The following NRXN1 variants were observed in gnomAD, a reference collection of about 807,000 sequenced individuals.
NRXN1 encodes the protein neurexin 1, also known as neurexin-1.
In NRXN1, 39 loss-of-function variants were observed where a neutral mutation model predicts 150.9. The ratio of observed to expected loss-of-function variants is 0.26; its 90% CI spans 0.20 to 0.34. The LOEUF is 0.34. Among genes scored for constraint, NRXN1 ranks in the 10% least tolerant of loss-of-function variants. NRXN1 has a pLI of 1.00. For missense variants in NRXN1, 1,815 were observed against 1,949.9 expected (o/e 0.93, Z 1.30); for synonymous variants, 924 against 757.0 (o/e 1.22, Z -3.62).
At chr2:50,620,753 T>C (rs1679866801) in intron 7 of NRXN1, among the ~76,000 whole-genome samples, 1 of 151,954 alleles carries the variant, frequency 6.6e-6, no homozygotes, top group East Asian at 1.9e-4. Context: ...GGAGGTACAG[T>C]ACAGTTCAGA....
intron 18 of NRXN1, among the ~76,000 whole-genome samples, chr2:50,137,183 C>T (rs781752832): frequency 5.8e-4 from 89 of 152,194 alleles, no homozygotes; most frequent in Admixed American, 1.2e-3. Flanking sequence ...ACATCACAAT[C>T]TACCCCATAA....
intron 15 of NRXN1, among the ~76,000 whole-genome samples, chr2:50,492,105 C>G (rs1050542281): frequency 1.3e-5 from 2 of 152,120 alleles, no homozygotes; most frequent in Non-Finnish European, 2.9e-5. Flanking sequence ...AGGAATCGCA[C>G]CAACCATTTA....
rs539356280 is a variant in NRXN1, at chr2:49,925,509, C to T, written c.4217-3258G>A. Among the ~76,000 whole-genome samples, 19 of 151,942 alleles carry T rather than the reference C, an allele frequency of 1.3e-4. No homozygotes were observed. The East Asian group carries it at 3.7e-3, about 29-fold the overall frequency. On this transcript the variant is annotated intron_variant, in intron 22 of 22. Transcript: ENST00000401669. ...ATCAATGACTAATATGGTTAAATGT[C>T]TTTTTATATAATTTGTTCAAAATTT...
chr2:50,866,259 T>C (rs1440535414), intron 5 of NRXN1, among the ~76,000 whole-genome samples: 1 of 151,974 alleles, frequency 6.6e-6, no homozygotes, highest in African/African-American at 2.4e-5. Context: ...TTTATATCTA[T>C]ATTAGAGTTT....
chr2:50,179,287 C>T (rs897210867), intron 18 of NRXN1, among the ~76,000 whole-genome samples: 9 of 152,064 alleles, frequency 5.9e-5, no homozygotes, highest in African/African-American at 9.7e-5. Context: ...AGCATATTAG[C>T]CACAGAGAAA....
chr2:50,441,724 C>G (rs2085969266), intron 17 of NRXN1, among the ~76,000 whole-genome samples: 1 of 151,842 alleles, frequency 6.6e-6, no homozygotes, highest in African/African-American at 2.4e-5. Flanking sequence ...AAGATGCTGC[C>G]ATATAGACAT....
At chr2:50,444,660 C>CA (rs1043924800) in intron 17 of NRXN1, among the ~76,000 whole-genome samples, 5 of 152,106 alleles carry the variant, frequency 3.3e-5, no homozygotes, top group South Asian at 2.1e-4. Context: ...AGATAAATAA[C>CA]ATTTTAAATC....
intron 18 of NRXN1, among the ~76,000 whole-genome samples, chr2:50,099,926 T>A (rs1486585943): frequency 6.6e-6 from 1 of 152,026 alleles, no homozygotes; most frequent in African/African-American, 2.4e-5. Flanking sequence ...TTAGACAACA[T>A]CCATGTCCCC....
At chr2:50,167,743 TA>T (rs1268673171) in intron 18 of NRXN1, among the ~76,000 whole-genome samples, 1 of 152,212 alleles carries the variant, frequency 6.6e-6, no homozygotes, top group Non-Finnish European at 1.5e-5. Context: ...TTTTGATGCC[TA>T]GTTTCTATGC....
Position 50,425,294 on chromosome 2 carries a change from T to C in NRXN1, c.3364+40148A>G, listed in dbSNP as rs75764778. Among the ~76,000 whole-genome samples the C allele has an allele frequency of 7.9e-3, 1,209 of 152,312 alleles. 16 individuals are homozygous for C. Among genetic ancestry groups the C allele is most frequent in the African/African-American group, 0.028 (1,145 of 41,576 alleles). On this transcript the variant is annotated intron_variant, in intron 17 of 22. Coordinates refer to ENST00000401669, the MANE Select transcript of NRXN1 (RefSeq NM_001330078.2). ...CTCTGTTTTGTTGCCTTTCAATCAA[T>C]GTCTTCCCTGGAAGTACAAGCCTTT...
At chr2:50,028,234 G>A (rs1223214411) in intron 21 of NRXN1, among the ~76,000 whole-genome samples, 1 of 152,054 alleles carries the variant, frequency 6.6e-6, no homozygotes, top group Non-Finnish European at 1.5e-5. Flanking sequence ...TCTTTTTGTG[G>A]ATATACTGAG....
chr2:50,857,081 A>G (rs1675379811), intron 5 of NRXN1, among the ~76,000 whole-genome samples: 1 of 152,096 alleles, frequency 6.6e-6, no homozygotes, highest in African/African-American at 2.4e-5. Flanking sequence ...CGTTTTACAG[A>G]AGAGCTTGCA....
intron 12 of NRXN1, among the ~76,000 whole-genome samples, chr2:50,514,299 C>T (rs1377984556): frequency 2.6e-5 from 4 of 152,098 alleles, no homozygotes; most frequent in African/African-American, 9.7e-5. Flanking sequence ...TTTAGACCTA[C>T]AGCACCTGGT....
intron 5 of NRXN1, among the ~76,000 whole-genome samples, chr2:50,838,561 C>CA (rs1233353032): frequency 6.6e-6 from 1 of 151,944 alleles, no homozygotes; most frequent in Non-Finnish European, 1.5e-5. Context: ...AAAATGAGGT[C>CA]ATTTGTGTGG....
intron 17 of NRXN1, among the ~76,000 whole-genome samples, chr2:50,451,658 C>T (rs1197098569): frequency 6.6e-6 from 1 of 152,152 alleles, no homozygotes; most frequent in Non-Finnish European, 1.5e-5. Flanking sequence ...GCAGATAACT[C>T]TTCTCAACTT....
intron 5 of NRXN1, among the ~76,000 whole-genome samples, chr2:50,658,789 C>A (rs1215662899): frequency 6.6e-6 from 1 of 151,972 alleles, no homozygotes; most frequent in Non-Finnish European, 1.5e-5. Flanking sequence ...TTCCTTTTAT[C>A]CCTCCAGATC....
At chr2:50,356,631 G>T (rs910220659) in intron 17 of NRXN1, among the ~76,000 whole-genome samples, 1 of 152,060 alleles carries the variant, frequency 6.6e-6, no homozygotes, top group African/African-American at 2.4e-5. Context: ...TCCTGGTTGC[G>T]TTCAAGTACA....
chr2:50,346,345 G>A lies in NRXN1; in HGVS notation c.3365-109375C>T, dbSNP rs2077968411. ...GTGCTCAGGTCCCTTAGCTGAGCGCGGCGCCCCATCCGGCCACTGAGTGAC... is the reference window on the plus strand; with the variant it reads ...GTGCTCAGGTCCCTTAGCTGAGCGCAGCGCCCCATCCGGCCACTGAGTGAC... On this transcript the variant is annotated intron_variant, in intron 17 of 22. Transcript: ENST00000401669. This position sits in a 1 kb window ranked among gnomAD's most constrained non-coding sequence, Gnocchi z 5.0. 6.6e-6 allele frequency among the ~76,000 whole-genome samples: 1 copy of A among 152,088 alleles called. No individual in the cohort carries two copies. Among genetic ancestry groups the A allele is most frequent in the African/African-American group, 2.4e-5 (1 of 41,418 alleles).
intron 17 of NRXN1, among the ~76,000 whole-genome samples, chr2:50,393,058 A>T (rs891588662): frequency 2.6e-5 from 4 of 152,046 alleles, no homozygotes; most frequent in African/African-American, 9.7e-5. Flanking sequence ...CAGGCAACAA[A>T]CCCAAGACAT....
Sources: gnomAD v4.1 joint callset for allele counts (sites outside exome capture counted in the v4.1 genomes callset) on GRCh38, gnomAD v4.1.1 for gene constraint, Gnocchi (gnomAD v3.1) non-coding constraint, MANE v1.5 for transcripts, NCBI Gene and HGNC (gene_info 2026-07-23, HGNC 2026-07-21) for gene names.